The following GRIP1 variants were observed in gnomAD, a reference collection of about 807,000 sequenced individuals.
GRIP1 encodes the protein glutamate receptor-interacting protein 1.
GRIP1 carries 45 observed loss-of-function variants against 129.9 expected under a neutral mutation model. The ratio of observed to expected loss-of-function variants is 0.35; its 90% confidence interval spans 0.27 to 0.44. The LOEUF is 0.44. Among genes scored for constraint, GRIP1 ranks in the 20% least tolerant of loss-of-function variants. The pLI is 1.00. For missense variants in GRIP1, 1,196 were observed against 1,396.8 expected (o/e 0.86, Z 2.29); for synonymous variants, 530 against 520.8 (o/e 1.02, Z -0.24).
At chr12:66,946,280 A>C (rs2041666857) in intron 1 of GRIP1, among the ~76,000 whole-genome samples, 1 of 152,208 alleles carries the variant, frequency 6.6e-6, no homozygotes, top group Non-Finnish European at 1.5e-5. Flanking sequence ...AGTTCTCTCC[A>C]GGCCTGTCTT....
intron 16 of GRIP1, among the ~76,000 whole-genome samples, chr12:66,405,184 A>C (rs1009125051): frequency 6.6e-6 from 1 of 152,186 alleles, no homozygotes; most frequent in Non-Finnish European, 1.5e-5. Context: ...AACCAAACCA[A>C]AATAAAACTG....
chr12:66,716,809 T>G (rs915924668), intron 1 of GRIP1, among the ~76,000 whole-genome samples: 1 of 151,984 alleles, frequency 6.6e-6, no homozygotes, highest in African/African-American at 2.4e-5. Context: ...AGGCTTAAAT[T>G]CCATGTTTTG....
chr12:66,588,965 T>C (rs2063743654), intron 2 of GRIP1, among the ~76,000 whole-genome samples: 1 of 141,096 alleles, frequency 7.1e-6, no homozygotes, highest in Non-Finnish European at 1.5e-5. Context: ...CAAGACCGTG[T>C]CCCCCTCCTA....
At position 67,032,580 on chromosome 12, in the gene GRIP1, T is replaced by C. The variant is rs377407469; in HGVS notation, c.58+36470A>G. 1.1e-3 allele frequency among the ~76,000 whole-genome samples: 172 copies of C among 152,340 alleles called. 1 individual carries two copies. Among genetic ancestry groups the C allele is most frequent in the South Asian group, 7.9e-3 (38 of 4,826 alleles). On this transcript the variant is annotated intron_variant, in intron 1 of 1. Coordinates refer to the GRIP1 transcript ENST00000643019. ...CTGACATTTTGGGCCAGATAATTCT[T>C]TGTTGATGGGGAAAGGGACTTTCCT...
At chr12:66,747,795 G>A (rs2036997464) in intron 1 of GRIP1, among the ~76,000 whole-genome samples, 2 of 151,976 alleles carry the variant, frequency 1.3e-5, no homozygotes, top group South Asian at 4.1e-4. Context: ...CAGAGTGTCT[G>A]GCTCAATAAA....
intron 7 of GRIP1, among the ~76,000 whole-genome samples, chr12:66,486,563 G>A (rs117284313): frequency 0.11 from 16,760 of 152,012 alleles, 1,258 homozygotes; most frequent in Admixed American, 0.21. Flanking sequence ...TTTTATCAGG[G>A]GTTTCCGCTT....
At chr12:66,381,905 TCTC>T (rs1234722448) in intron 19 of GRIP1, among the ~76,000 whole-genome samples, 2 of 152,226 alleles carry the variant, frequency 1.3e-5, no homozygotes, top group African/African-American at 4.8e-5. Context: ...TCCCAGCTCT[TCTC>T]TAGTCCGTGC....
intron 1 of GRIP1, among the ~76,000 whole-genome samples, chr12:66,973,549 T>C (rs569202045): frequency 6.6e-5 from 10 of 152,220 alleles, no homozygotes; most frequent in African/African-American, 1.7e-4. Context: ...AAAAGACCTA[T>C]GTATATCAAA....
intron 1 of GRIP1, among the ~76,000 whole-genome samples, chr12:66,719,047 TCTTAATA>T (rs904926008): frequency 4.0e-4 from 61 of 152,098 alleles, no homozygotes; most frequent in African/African-American, 1.4e-3. Flanking sequence ...AAAGGAAGTA[TCTTAATA>T]CTTATTACTG....
intron 7 of GRIP1, among the ~76,000 whole-genome samples, chr12:66,492,399 A>G (rs1300256536): frequency 6.6e-6 from 1 of 152,040 alleles, no homozygotes; most frequent in East Asian, 1.9e-4. Context: ...ATGGGACTAG[A>G]TTTTTTTTAA....
intron 1 of GRIP1, among the ~76,000 whole-genome samples, chr12:67,003,929 C>T (rs2042589254): frequency 6.6e-6 from 1 of 152,126 alleles, no homozygotes; most frequent in Non-Finnish European, 1.5e-5. Flanking sequence ...GGCCACGTTC[C>T]TTCCAGGTGC....
chr12:67,026,613 C>T (rs879393889), intron 1 of GRIP1, among the ~76,000 whole-genome samples: 4 of 152,164 alleles, frequency 2.6e-5, no homozygotes, highest in Non-Finnish European at 5.9e-5. Flanking sequence ...GTAATCCTTC[C>T]TCTTCTTCAT....
intron 1 of GRIP1, among the ~76,000 whole-genome samples, chr12:67,033,271 G>GTATATATATA (rs3051221): frequency 0.021 from 3,003 of 142,882 alleles, 40 homozygotes; most frequent in South Asian, 0.04. Flanking sequence ...AAGACTACAT[G>GTATATATATA]TATATATATA....
At chr12:66,476,388 A>G (rs2059613119) in intron 7 of GRIP1, among the ~76,000 whole-genome samples, 1 of 152,212 alleles carries the variant, frequency 6.6e-6, no homozygotes, top group Admixed American at 6.5e-5. Flanking sequence ...CTTACCAACC[A>G]AAAAGAGTCC....
intron 7 of GRIP1, among the ~76,000 whole-genome samples, chr12:66,494,050 A>G (rs2060173954): frequency 6.6e-6 from 1 of 152,182 alleles, no homozygotes; most frequent in African/African-American, 2.4e-5. Flanking sequence ...TAGGCTGAGT[A>G]GCTTTACCAT....
At chr12:66,627,824 C>A (rs1023502899) in intron 1 of GRIP1, among the ~76,000 whole-genome samples, 3 of 152,046 alleles carry the variant, frequency 2.0e-5, no homozygotes, top group Admixed American at 6.6e-5. Context: ...TCTCCTTCTG[C>A]TAGTCTTGGA....
intron 2 of GRIP1, among the ~76,000 whole-genome samples, chr12:66,550,371 ATTG>A (rs2062085210): frequency 2.0e-5 from 3 of 152,302 alleles, no homozygotes; most frequent in African/African-American, 7.2e-5. Flanking sequence ...TGTCATTATT[ATTG>A]TTATTTGGAT....
intron 5 of GRIP1, among the ~76,000 whole-genome samples, chr12:66,525,744 C>T (rs919222406): frequency 8.6e-5 from 13 of 152,016 alleles, no homozygotes; most frequent in African/African-American, 2.9e-4. Flanking sequence ...TCAAATTGTC[C>T]CTGTTTGCAG....
chr12:66,942,617 C>T (rs1006636054), intron 1 of GRIP1, among the ~76,000 whole-genome samples: 2 of 152,160 alleles, frequency 1.3e-5, no homozygotes, highest in African/African-American at 4.8e-5. Flanking sequence ...GGAGGAAGGG[C>T]GTTTCAGAAT....
Sources: allele counts gnomAD v4.1 joint callset (sites outside exome capture counted in the v4.1 genomes callset), GRCh38; gene constraint gnomAD v4.1.1; transcripts MANE v1.5; gene names NCBI Gene and HGNC (gene_info 2026-07-23, HGNC 2026-07-21).